Variants in NF1 observed in about 807,000 individuals in gnomAD.
NF1 encodes neurofibromin.
A neutral mutation model predicts 325.7 loss-of-function variants in NF1; 122 were observed. That is an observed-to-expected ratio of 0.37 (90% CI 0.32 to 0.44). The LOEUF (loss-of-function observed/expected upper bound fraction) is 0.44. Among genes scored for constraint, NF1 ranks in the 20% least tolerant of loss-of-function variants. The pLI is 1.00. For missense variants in NF1, 2,140 were observed against 3,415.4 expected, an observed-to-expected ratio of 0.63 and a Z score of 9.31; for synonymous variants, 1,091 against 1,186.0, an observed-to-expected ratio of 0.92 and a Z score of 1.65.
In NF1 at chr17:31,163,198, A is replaced by G. The variant is rs2143670430; in HGVS notation, c.301A>G (p.Thr101Ala). Residue 101 changes from threonine to alanine, a missense_variant, in exon 4 of 58, where the codon ACA becomes GCA. Thr to Ala is a moderately conservative substitution (Grantham distance 58, BLOSUM62 0). This residue lies in a region of NF1 where 246 missense variants were observed against 347.8 expected (regional missense o/e 0.71). Coordinates refer to ENST00000358273, the MANE Select transcript of NF1 (RefSeq NM_001042492.3). ...ATTTCTATTTTAGCAACCAAAGGACACAATGAGATTAGATGAAACGATGCT... is the reference window on the plus strand; with the variant it reads ...ATTTCTATTTTAGCAACCAAAGGACGCAATGAGATTAGATGAAACGATGCT... The part of the protein sequence containing the change: ...EKCLAGQPKD[T>A]MRLDETMLVK... 1 of 1,614,156 alleles carries G rather than the reference A, an allele frequency of 6.2e-7. No individual in the cohort carries two copies. Among genetic ancestry groups the G allele is most frequent in the Non-Finnish European group, 8.5e-7 (1 of 1,179,994 alleles).
chr17:31,222,002 T>C (rs1317531262), intron 15 of NF1, 73 bp downstream of exon 15: 4 of 1,482,074 alleles, frequency 2.7e-6, no homozygotes, highest in African/African-American at 2.8e-5. Context: ...ATATTAACTC[T>C]GTAGTACTTA....
chr17:31,230,454 G>T (rs1216770001), intron 23 of NF1, 72 bp downstream of exon 23: 1 of 1,561,038 alleles, frequency 6.4e-7, no homozygotes, highest in East Asian at 2.3e-5. Flanking sequence ...AAAAAGAGTA[G>T]ATATGCGGTT....
At chr17:31,306,421 G>T (rs2151511382) in intron 36 of NF1, among the ~76,000 whole-genome samples, 1 of 152,076 alleles carries the variant, frequency 6.6e-6, no homozygotes, top group Admixed American at 6.5e-5. Context: ...CATAGATATA[G>T]ATATAAATAT....
chr17:31,217,080 A>G lies in NF1; in HGVS notation c.1528-1925A>G, dbSNP rs1033702760. Reference sequence around the variant, plus strand: ...TGATGATATCTTCCCCCATGAGACTACATGCTCATGGAGGATGGGAAACAC... The same window carrying G: ...TGATGATATCTTCCCCCATGAGACTGCATGCTCATGGAGGATGGGAAACAC... On this transcript the variant is annotated intron_variant, in intron 13 of 57. Coordinates refer to ENST00000358273, the MANE Select transcript of NF1 (RefSeq NM_001042492.3). Among the ~76,000 whole-genome samples the G allele has an allele frequency of 1.7e-4, 26 of 152,130 alleles. 1 individual carries two copies. Among genetic ancestry groups the G allele is most frequent in the Admixed American group, 1.5e-3 (23 of 15,276 alleles).
At chr17:31,313,726 G>A (rs927942607) in intron 36 of NF1, among the ~76,000 whole-genome samples, 10 of 24,690 alleles carry the variant, frequency 4.1e-4, no homozygotes, top group African/African-American at 1.3e-3. Context: ...AAAAATATGT[G>A]TGTGTGTGTG....
intron 27 of NF1, among the ~76,000 whole-genome samples, chr17:31,235,152 TC>T (rs1406390047): frequency 1.3e-5 from 2 of 152,178 alleles, no homozygotes; most frequent in African/African-American, 4.8e-5. Flanking sequence ...TTTTGTTGTG[TC>T]TCTGCCTAGT....
At chr17:31,185,599 C>T (rs2066224323) in intron 8 of NF1, among the ~76,000 whole-genome samples, 1 of 152,022 alleles carries the variant, frequency 6.6e-6, no homozygotes, top group South Asian at 2.1e-4. Flanking sequence ...TGCATTTGGC[C>T]CCTCCTACAA....
At chr17:31,311,483 T>C (rs967983079) in intron 36 of NF1, among the ~76,000 whole-genome samples, 4 of 152,162 alleles carry the variant, frequency 2.6e-5, no homozygotes, top group African/African-American at 7.2e-5. Context: ...AGTAGTATTA[T>C]CTCTAACTAG....
intron 57 of NF1, among the ~76,000 whole-genome samples, chr17:31,364,537 G>A (rs1453997210): frequency 6.6e-6 from 1 of 152,142 alleles, no homozygotes; most frequent in Non-Finnish European, 1.5e-5. Context: ...CCAGCATTAG[G>A]TCTTACTTAA....
chr17:31,139,818 G>C (rs960774952), intron 1 of NF1, among the ~76,000 whole-genome samples: 12 of 152,200 alleles, frequency 7.9e-5, no homozygotes, highest in African/African-American at 2.9e-4. Context: ...GATTATTGTA[G>C]AAATATTATT....
chr17:31,154,863 C>T (rs1917217909), intron 1 of NF1, among the ~76,000 whole-genome samples: 1 of 151,716 alleles, frequency 6.6e-6, no homozygotes, highest in Non-Finnish European at 1.5e-5. Context: ...CCTCAGCCTC[C>T]CGAGTAGCTT....
chr17:31,201,719 T>A (rs1379166369), intron 11 of NF1, among the ~76,000 whole-genome samples: 1 of 152,154 alleles, frequency 6.6e-6, no homozygotes, highest in African/African-American at 2.4e-5. Flanking sequence ...AATAAGATGC[T>A]TTGGAAAGAT....
rs1555534432 is a variant in NF1, at chr17:31,335,031, G to A, written c.6006G>A (p.Gln2002=). The A allele has an allele frequency of 6.2e-7, 1 of 1,611,154 alleles. No individual in the cohort carries two copies. The highest frequency in any genetic ancestry group is 8.5e-7 in the Non-Finnish European group (1 of 1,179,120). Residue 2002 remains glutamine (Q), a splice_region_variant and synonymous_variant, in exon 40 of 58, where the codon CAG becomes CAA. Coordinates refer to ENST00000358273, the MANE Select transcript of NF1 (RefSeq NM_001042492.3). The stretch of plus-strand genomic sequence containing the variant: ...CAAAAATATGGGGAAGCCTTGGGCA[G>A]GTATTGAGTTTGCTCAAATATTTAT... ...IQAKIWGSLG[Q]ITDLLDVVLD... is the part of the protein sequence containing the mutation.
At chr17:31,319,765 AAAAAAC>A (rs1567893780) in intron 36 of NF1, among the ~76,000 whole-genome samples, 1 of 151,976 alleles carries the variant, frequency 6.6e-6, no homozygotes, top group Non-Finnish European at 1.5e-5. Flanking sequence ...GAAAAAAAAA[AAAAAAC>A]AGCAAATTTC....
At chr17:31,145,947 G>A (rs1916556141) in intron 1 of NF1, among the ~76,000 whole-genome samples, 1 of 152,138 alleles carries the variant, frequency 6.6e-6, no homozygotes, top group South Asian at 2.1e-4. Flanking sequence ...AAACCAAATG[G>A]ACATTTGGAT....
At chr17:31,281,759 T>G (rs1411100903) in intron 36 of NF1, among the ~76,000 whole-genome samples, 3 of 152,164 alleles carry the variant, frequency 2.0e-5, no homozygotes, top group Admixed American at 6.5e-5. Flanking sequence ...TTCACCCTTT[T>G]TGAAGTGTAC....
Position 31,226,105 on chromosome 17 carries a change from A to T in NF1, c.2002-330A>T, listed in dbSNP as rs17887242. The stretch of plus-strand genomic sequence containing the variant: ...GTACATTATATTGTTACTGCAGTAG[A>T]TTTACGTTATGGTGTTTACCTGTCC... On this transcript the variant is annotated intron_variant, in intron 17 of 57. Transcript: ENST00000358273. Among the ~76,000 whole-genome samples the T allele has an allele frequency of 4.6e-5, 7 of 151,992 alleles. No individual in the cohort carries two copies. The East Asian group carries it at 1.4e-3, about 29-fold the overall frequency.
intron 36 of NF1, chr17:31,294,739 A>G (rs1274008651): frequency 1.2e-5 from 6 of 491,124 alleles, no homozygotes; most frequent in African/African-American, 9.7e-5. Context: ...ATTTTGTGCA[A>G]TAAATTGAAG....
chr17:31,223,672 C>T lies in NF1; in HGVS notation c.1845+105C>T, dbSNP rs2066965858. 1.1e-4 allele frequency: 121 copies of T among 1,087,708 alleles called. 1 individual carries two copies. The South Asian group carries it at 1.6e-3, about 14-fold the overall frequency. The allele number at this position is 1,087,708 out of a possible 1,614,324, so 67.4% of individuals were successfully genotyped here. On this transcript the variant is annotated intron_variant, in intron 16 of 57. Coordinates refer to ENST00000358273, the MANE Select transcript of NF1 (RefSeq NM_001042492.3). ...CAAATTAGGTTCTATTTCAGCTTCT[C>T]CTTCCTCCCAATGTTCTCAAAAGGA... is the stretch of plus-strand genomic sequence containing the variant.
Sources: allele counts gnomAD v4.1 joint callset (sites outside exome capture counted in the v4.1 genomes callset), GRCh38; gene constraint gnomAD v4.1.1; regional missense constraint gnomAD v4.1.1; transcripts MANE v1.5; gene names NCBI Gene and HGNC (gene_info 2026-07-23, HGNC 2026-07-21).